Variants in PPP5C observed in about 807,000 individuals in gnomAD.
PPP5C encodes the protein protein phosphatase 5 catalytic subunit.
Under a neutral mutation model 66.7 loss-of-function variants are expected in PPP5C, and 21 were observed. That is an observed-to-expected ratio of 0.31 (90% CI 0.22 to 0.45). The LOEUF (loss-of-function observed/expected upper bound fraction) is 0.45, where lower values mean the gene tolerates loss of function less well. Ranked by LOEUF, PPP5C falls within the 20% of genes least tolerant of loss-of-function variation. The pLI is 1.00. For missense variants in PPP5C, 464 were observed against 675.9 expected, an observed-to-expected ratio of 0.69 and a Z score of 3.48; for synonymous variants, 246 against 257.4, an observed-to-expected ratio of 0.96 and a Z score of 0.43.
chr19:46,354,592 A>G (rs1972250854), intron 2 of PPP5C, among the ~76,000 whole-genome samples: 1 of 152,128 alleles, frequency 6.6e-6, no homozygotes, highest in Non-Finnish European at 1.5e-5. Flanking sequence ...CCAGGAGTTT[A>G]AGACAAGCCT....
Position 46,347,100 on chromosome 19 carries a change from G to T in PPP5C, c.4G>T (p.Ala2Ser). Reference protein sequence around the residue: MAMAEGERTECA... With the variant: MSMAEGERTECA... Reference sequence around the variant, plus strand: ...AGGGTAGGGGTCGCTTTGCGGCATGGCGATGGCGGAGGGCGAGAGGACTGA... The same window carrying T: ...AGGGTAGGGGTCGCTTTGCGGCATGTCGATGGCGGAGGGCGAGAGGACTGA... The change falls in exon 1 of 13, where the codon GCG (alanine) becomes TCG (serine). Residue 2 changes from alanine (A) to serine (S), a missense_variant. Ala to Ser is a moderately conservative substitution (Grantham distance 99). Coordinates refer to ENST00000012443, the MANE Select transcript of PPP5C (RefSeq NM_006247.4). 6.2e-7 allele frequency: 1 copy of T among 1,601,422 alleles called. No homozygotes were observed.
chr19:46,371,264 C>T (rs1474746478), intron 2 of PPP5C, among the ~76,000 whole-genome samples: 2 of 152,122 alleles, frequency 1.3e-5, no homozygotes, highest in Non-Finnish European at 2.9e-5. Flanking sequence ...GGGTTCCTTA[C>T]ATCAGAGTCC....
chr19:46,356,956 C>T (rs1247497517), intron 2 of PPP5C, among the ~76,000 whole-genome samples: 1 of 152,212 alleles, frequency 6.6e-6, no homozygotes, highest in African/African-American at 2.4e-5. Context: ...TGCATGGCTC[C>T]TAGTGCCTTT....
At chr19:46,353,095 C>A (rs1972219405) in intron 1 of PPP5C, among the ~76,000 whole-genome samples, 1 of 152,192 alleles carries the variant, frequency 6.6e-6, no homozygotes, top group South Asian at 2.1e-4. Context: ...CCTGGCTCTG[C>A]AGGTGCAGAC....
chr19:46,357,119 C>G (rs1446561537), intron 2 of PPP5C, among the ~76,000 whole-genome samples: 3 of 152,174 alleles, frequency 2.0e-5, no homozygotes, highest in African/African-American at 7.2e-5. Flanking sequence ...CAAATCTTGG[C>G]TCACTGCAAC....
At chr19:46,365,487 G>A (rs192308862) in intron 2 of PPP5C, among the ~76,000 whole-genome samples, 89 of 152,272 alleles carry the variant, frequency 5.8e-4, no homozygotes, top group Non-Finnish European at 1.1e-3. Flanking sequence ...GAGGTGTGCC[G>A]CTTTGTGGGT....
At chr19:46,381,219 C>G (rs1438148750) in intron 4 of PPP5C, among the ~76,000 whole-genome samples, 1 of 151,746 alleles carries the variant, frequency 6.6e-6, no homozygotes, top group Non-Finnish European at 1.5e-5. Context: ...TTTTAATAGA[C>G]TTTTCATCTC....
At position 46,383,916 on chromosome 19, in the gene PPP5C, A is replaced by G. The variant is rs777138770; in HGVS notation, c.798+38A>G. The G allele has an allele frequency of 6.7e-7, 1 of 1,500,246 alleles. No individual in the cohort carries two copies. Among genetic ancestry groups the G allele is most frequent in the African/African-American group, 1.4e-5 (1 of 71,558 alleles). The allele number at this position is 1,500,246 out of a possible 1,614,324, so 92.9% of individuals were successfully genotyped here. On this transcript the variant is annotated intron_variant, in intron 6 of 12. Transcript: ENST00000012443. This position sits in a 1 kb window ranked among gnomAD's most constrained non-coding sequence, Gnocchi z 5.0. Reference sequence around the variant, plus strand: ...GCAGAGCCACCCTCTCCCCACCTCCACCCCCAGCCGCAGCCTCAGGTCTGC... The same window carrying G: ...GCAGAGCCACCCTCTCCCCACCTCCGCCCCCAGCCGCAGCCTCAGGTCTGC...
rs1158423038 is a variant in PPP5C at position 46,363,307 on chromosome 19, C to CAAAA, written c.363+9355_363+9358dup. On this transcript the variant is annotated intron_variant, in intron 2 of 12. Transcript: ENST00000012443. ...TGGGCGACAGAGCGAGACTCCATCT[C>CAAAA]AAAAAAAAAAAAAAAAAAAAAAAAA... Among the ~76,000 whole-genome samples, 15 of 27,938 alleles carry CAAAA rather than the reference C, an allele frequency of 5.4e-4. 4 individuals carry two copies. Among genetic ancestry groups the CAAAA allele is most frequent in the African/African-American group, 9.2e-4 (5 of 5,456 alleles). 18.3% of individuals were successfully genotyped at this position (27,938 alleles called of 152,430 possible). A position where few individuals can be genotyped will look rare whatever the true frequency, so the allele number is the denominator to read the frequency against.
rs536473453 is a variant in PPP5C, at chr19:46,375,583, C to T, written c.364-21C>T. ...GCCCCCACCTCAGCCTCAGTGTGCACGCCCCTTCCCTCCCACCCAGGTGGT... is the reference window on the plus strand; with the variant it reads ...GCCCCCACCTCAGCCTCAGTGTGCATGCCCCTTCCCTCCCACCCAGGTGGT... On this transcript the variant is annotated intron_variant, in intron 2 of 12. Transcript: ENST00000012443. 1.6e-5 allele frequency: 26 copies of T among 1,612,772 alleles called. No individual in the cohort carries two copies. The Admixed American group carries it at 2.7e-4, about 17-fold the overall frequency.
At chr19:46,366,586 C>G (rs539587602) in intron 2 of PPP5C, among the ~76,000 whole-genome samples, 12 of 152,292 alleles carry the variant, frequency 7.9e-5, no homozygotes, top group African/African-American at 2.9e-4. Context: ...ACTTCTGCCT[C>G]AGCCTCCCGA....
chr19:46,383,481 G>A lies in PPP5C; in HGVS notation c.699+5G>A. On this transcript the variant is annotated splice_donor_5th_base_variant and intron_variant, in intron 5 of 12. Transcript: ENST00000012443. This position sits in a 1 kb window ranked among gnomAD's most constrained non-coding sequence, Gnocchi z 5.0. ...GTGGAAACCACACTCAAAGAGGTGC[G>A]CGTTGTGGGGCAGTGCGGGGAGGGC... is the stretch of plus-strand genomic sequence containing the variant. 6.2e-7 allele frequency: 1 copy of A among 1,600,660 alleles called. No individual in the cohort carries two copies. Among genetic ancestry groups the A allele is most frequent in the Non-Finnish European group, 8.5e-7 (1 of 1,170,808 alleles).
Position 46,383,510 on chromosome 19 carries a change from CG to C in PPP5C, c.699+39del. On this transcript the variant is annotated intron_variant, in intron 5 of 12. Coordinates refer to ENST00000012443, the MANE Select transcript of PPP5C (RefSeq NM_006247.4). The surrounding 1 kb of genome is among the most constrained non-coding windows in gnomAD (Gnocchi z 5.0). Reference sequence around the variant, plus strand: ...TGTGGGGCAGTGCGGGGAGGGCCAGCGGGGGTGGGCTCTCTGGCTGGGGAGG... The same window carrying C: ...TGTGGGGCAGTGCGGGGAGGGCCAGCGGGGTGGGCTCTCTGGCTGGGGAGG... 3.0e-6 allele frequency: 3 copies of C among 1,011,854 alleles called. No individual in the cohort carries two copies. Among genetic ancestry groups the C allele is most frequent in the Non-Finnish European group, 4.5e-6 (3 of 673,880 alleles). The allele number at this position is 1,011,854 out of a possible 1,614,324, so 62.7% of individuals were successfully genotyped here.
intron 1 of PPP5C, among the ~76,000 whole-genome samples, chr19:46,349,166 C>T (rs1475554935): frequency 6.6e-6 from 1 of 152,028 alleles, no homozygotes; most frequent in East Asian, 1.9e-4. Context: ...TGGTGGCACA[C>T]ACCTGTAGTC....
intron 2 of PPP5C, among the ~76,000 whole-genome samples, chr19:46,366,441 G>A (rs1433550561): frequency 6.6e-6 from 1 of 152,000 alleles, no homozygotes; most frequent in Non-Finnish European, 1.5e-5. Flanking sequence ...AAACTCCTGG[G>A]CTCAAGTGAT....
chr19:46,364,223 T>G (rs867415041), intron 2 of PPP5C, among the ~76,000 whole-genome samples: 12 of 152,212 alleles, frequency 7.9e-5, no homozygotes, highest in African/African-American at 2.7e-4. Context: ...TGTGTGTATG[T>G]GTGTGCATAC....
intron 1 of PPP5C, among the ~76,000 whole-genome samples, chr19:46,348,417 G>T (rs947017468): frequency 3.3e-5 from 5 of 150,466 alleles, no homozygotes; most frequent in Admixed American, 2.7e-4. Flanking sequence ...TGGTTCAAGC[G>T]ATTCTCCTGC....
intron 1 of PPP5C, 47 bp downstream of exon 1, chr19:46,347,264 GTGC>G: frequency 6.5e-7 from 1 of 1,550,194 alleles, no homozygotes; most frequent in South Asian, 1.2e-5. Flanking sequence ...AGGCTGAGGG[GTGC>G]CGGGCCCGCG....
chr19:46,369,124 C>G (rs1166264675), intron 2 of PPP5C, among the ~76,000 whole-genome samples: 1 of 152,148 alleles, frequency 6.6e-6, no homozygotes, highest in East Asian at 1.9e-4. Flanking sequence ...CATTGCTTAA[C>G]AAGGGGTAGT....
Sources: gnomAD v4.1 joint callset for allele counts (sites outside exome capture counted in the v4.1 genomes callset) on GRCh38, gnomAD v4.1.1 for gene constraint, Gnocchi (gnomAD v3.1) non-coding constraint, MANE v1.5 for transcripts, NCBI Gene and HGNC (gene_info 2026-07-23, HGNC 2026-07-21) for gene names.